The following PTK2 variants were observed in gnomAD, a reference collection of about 807,000 sequenced individuals.
The protein encoded by PTK2 is focal adhesion kinase 1.
In PTK2, 45 loss-of-function variants were observed where a neutral mutation model predicts 150.1. That is an observed-to-expected ratio of 0.30 (90% CI 0.24 to 0.38). The LOEUF (loss-of-function observed/expected upper bound fraction) is 0.38, where lower values mean the gene tolerates loss of function less well. Ranked by LOEUF, PTK2 falls within the 10% of genes least tolerant of loss-of-function variation. The pLI, the probability that PTK2 is intolerant of heterozygous loss-of-function variation, is 1.00. For synonymous variants in PTK2, 432 were observed against 449.2 expected, an observed-to-expected ratio of 0.96 and a Z score of 0.48; for missense variants, 919 against 1,307.3, an observed-to-expected ratio of 0.70 and a Z score of 4.58.
At chr8:140,793,115 A>C (rs2100089494) in intron 13 of PTK2, among the ~76,000 whole-genome samples, 1 of 152,234 alleles carries the variant, frequency 6.6e-6, no homozygotes, top group Non-Finnish European at 1.5e-5. Context: ...CAGGCTCTCA[A>C]CATTATGATT....
chr8:140,740,902 G>C (rs2100055275), intron 20 of PTK2, among the ~76,000 whole-genome samples: 1 of 152,164 alleles, frequency 6.6e-6, no homozygotes, highest in Non-Finnish European at 1.5e-5. Context: ...CAGCACTTTG[G>C]GAGGCCAAGG....
At chr8:140,837,426 T>A (rs948039304) in intron 7 of PTK2, among the ~76,000 whole-genome samples, 1 of 152,228 alleles carries the variant, frequency 6.6e-6, no homozygotes, top group Admixed American at 6.5e-5. Context: ...AGTACTAGTA[T>A]AACTCAAAAT....
At chr8:140,799,068 C>T (rs1391482738) in intron 12 of PTK2, among the ~76,000 whole-genome samples, 2 of 152,146 alleles carry the variant, frequency 1.3e-5, no homozygotes, top group African/African-American at 4.8e-5. Context: ...AAAGCCATGT[C>T]CTGGAATCAC....
rs56403463 is a variant in PTK2 at position 140,745,159 on chromosome 8, C to T, written c.1519-392G>A. The stretch of plus-strand genomic sequence containing the variant: ...CACAGTCAGTTATCTCCACTTCAAA[C>T]CTTACTGTGGCTCTGCGAAGGTATG... On this transcript the variant is annotated intron_variant, in intron 18 of 31. Coordinates refer to ENST00000522684, the Ensembl canonical transcript of PTK2. Among the ~76,000 whole-genome samples, 971 of 152,256 alleles carry T rather than the reference C, an allele frequency of 6.4e-3. 9 individuals are homozygous for T. The highest frequency in any genetic ancestry group is 0.01 in the Non-Finnish European group (698 of 68,022).
At chr8:140,681,734 G>A (rs1025871969) in intron 27 of PTK2, among the ~76,000 whole-genome samples, 11 of 152,170 alleles carry the variant, frequency 7.2e-5, no homozygotes, top group South Asian at 4.1e-4. Flanking sequence ...CCGAGATCGC[G>A]CCACTGCACT....
At chr8:140,874,864 T>C (rs1309779105) in intron 4 of PTK2, among the ~76,000 whole-genome samples, 1 of 152,178 alleles carries the variant, frequency 6.6e-6, no homozygotes, top group Non-Finnish European at 1.5e-5. Context: ...CTTTTACACA[T>C]GCATTATCAA....
chr8:140,935,938 C>T (rs1486015766), intron 1 of PTK2, among the ~76,000 whole-genome samples: 1 of 152,070 alleles, frequency 6.6e-6, no homozygotes, highest in Admixed American at 6.6e-5. Flanking sequence ...TAAGCCACCA[C>T]ACCCGGCCTG....
intron 1 of PTK2, among the ~76,000 whole-genome samples, chr8:140,964,583 G>A (rs1455064818): frequency 4.2e-5 from 6 of 141,600 alleles, no homozygotes; most frequent in Non-Finnish European, 7.6e-5. Flanking sequence ...TTGGTAGAGA[G>A]GGGAGTCTCA....
chr8:140,691,603 T>A (rs1455626617), intron 26 of PTK2, among the ~76,000 whole-genome samples: 1 of 152,216 alleles, frequency 6.6e-6, no homozygotes, highest in East Asian at 1.9e-4. Flanking sequence ...GCGTCTCTGT[T>A]ACCTGCTAGA....
At position 140,902,924 on chromosome 8, in the gene PTK2, G is replaced by GTTTTTTGTTTTTTTTTTTT. The variant is rs2100159140; in HGVS notation, c.-32-12156_-32-12155insAAAAAAAAAAAACAAAAAA. Among the ~76,000 whole-genome samples the GTTTTTTGTTTTTTTTTTTT allele has an allele frequency of 1.2e-4, 7 of 58,954 alleles. 1 individual carries two copies. Among genetic ancestry groups the GTTTTTTGTTTTTTTTTTTT allele is most frequent in the Non-Finnish European group, 2.7e-4 (7 of 26,326 alleles). 38.7% of individuals were successfully genotyped at this position (58,954 alleles called of 152,430 possible). ...TTGCCTGTTCACTCTGATGAGAGTTGTTTTTTTTTTTTTTTTTTTTTTTTT... is the reference window on the plus strand; with the variant it reads ...TTGCCTGTTCACTCTGATGAGAGTTGTTTTTTGTTTTTTTTTTTTTTTTTTTTTTTTTTTTTTTTTTTTT... On this transcript the variant is annotated intron_variant, in intron 2 of 31. Transcript: ENST00000522684.
intron 8 of PTK2, among the ~76,000 whole-genome samples, chr8:140,828,183 A>G (rs866450262): frequency 3.3e-5 from 5 of 151,666 alleles, no homozygotes; most frequent in African/African-American, 7.3e-5. Context: ...AAAAAAAAAA[A>G]GAGAAAGTAG....
intron 4 of PTK2, among the ~76,000 whole-genome samples, chr8:140,866,161 A>G (rs1026150440): frequency 2.0e-5 from 3 of 151,318 alleles, no homozygotes; most frequent in Middle Eastern, 3.4e-3. Context: ...TCTGCAGACT[A>G]AAAAAAAATG....
At chr8:140,820,387 C>T (rs1224716551) in intron 8 of PTK2, among the ~76,000 whole-genome samples, 1 of 151,768 alleles carries the variant, frequency 6.6e-6, no homozygotes, top group Non-Finnish European at 1.5e-5. Context: ...AGGCATGAGC[C>T]ACCGCACCCG....
chr8:140,717,127 C>T (rs982989738), intron 23 of PTK2, among the ~76,000 whole-genome samples: 3 of 152,198 alleles, frequency 2.0e-5, no homozygotes. Context: ...AACAACCCAG[C>T]CACCAGCTAC....
chr8:140,812,925 A>G (rs893642058), intron 10 of PTK2, among the ~76,000 whole-genome samples: 2 of 152,218 alleles, frequency 1.3e-5, no homozygotes, highest in East Asian at 1.9e-4. Context: ...CTCCTACACA[A>G]TAATAGTGGG....
chr8:140,697,845 G>GCTGTT (rs2100027678), intron 26 of PTK2, among the ~76,000 whole-genome samples: 1 of 137,188 alleles, frequency 7.3e-6, no homozygotes, highest in African/African-American at 2.8e-5. Context: ...TCCCTTTAGG[G>GCTGTT]TTTACTGTTT....
intron 22 of PTK2, among the ~76,000 whole-genome samples, chr8:140,723,097 A>C (rs1479628918): frequency 6.6e-6 from 1 of 152,098 alleles, no homozygotes; most frequent in Non-Finnish European, 1.5e-5. Context: ...TTCTACCTAC[A>C]CACACTTCCC....
At chr8:140,971,103 A>G (rs2100187106) in intron 1 of PTK2, among the ~76,000 whole-genome samples, 1 of 152,206 alleles carries the variant, frequency 6.6e-6, no homozygotes, top group African/African-American at 2.4e-5. Context: ...ATTAGTCTCT[A>G]AGAATAGTCT....
chr8:140,829,472 GTCTT>G (rs1451342389), intron 8 of PTK2, among the ~76,000 whole-genome samples: 2 of 152,108 alleles, frequency 1.3e-5, no homozygotes, highest in South Asian at 2.1e-4. Context: ...CTCTCTTTTG[GTCTT>G]TCTAAGATTT....
Sources: allele counts gnomAD v4.1 joint callset (sites outside exome capture counted in the v4.1 genomes callset), GRCh38; gene constraint gnomAD v4.1.1; transcripts MANE v1.5; gene names NCBI Gene and HGNC (gene_info 2026-07-23, HGNC 2026-07-21).